Variants in SLC24A3 observed in about 807,000 individuals in gnomAD.
The protein encoded by SLC24A3 is sodium/potassium/calcium exchanger 3.
In SLC24A3, 28 loss-of-function variants were observed where a neutral mutation model predicts 75.8. That is an observed-to-expected ratio of 0.37 (90% CI 0.27 to 0.51). The LOEUF is 0.51. Among genes scored for constraint, SLC24A3 ranks in the 20% least tolerant of loss-of-function variants. The pLI is 0.94. For missense variants in SLC24A3, 663 were observed against 847.8 expected (o/e 0.78, Z 2.71); for synonymous variants, 372 against 334.1 (o/e 1.11, Z -1.24).
chr20:19,704,385 A>G (rs1260832696), intron 15 of SLC24A3, among the ~76,000 whole-genome samples: 1 of 152,196 alleles, frequency 6.6e-6, no homozygotes, highest in African/African-American at 2.4e-5. Flanking sequence ...TCCAACGCCT[A>G]TGTAAGGGAA....
intron 6 of SLC24A3, among the ~76,000 whole-genome samples, chr20:19,597,187 G>A (rs943355899): frequency 1.0e-4 from 5 of 48,010 alleles, no homozygotes; most frequent in East Asian, 1.1e-3. Flanking sequence ...GTTCCACAAC[G>A]AACGGCCTGG....
intron 3 of SLC24A3, among the ~76,000 whole-genome samples, chr20:19,571,679 A>G (rs1030531407): frequency 2.0e-5 from 3 of 152,194 alleles, no homozygotes; most frequent in Non-Finnish European, 4.4e-5. Context: ...TGGTGCAGGT[A>G]CATTCACATA....
intron 2 of SLC24A3, among the ~76,000 whole-genome samples, chr20:19,388,940 G>A (rs192909251): frequency 5.3e-4 from 80 of 151,988 alleles, no homozygotes; most frequent in African/African-American, 1.4e-3. Flanking sequence ...CAATCTTGCT[G>A]TCTTCCTTTG....
intron 6 of SLC24A3, among the ~76,000 whole-genome samples, chr20:19,631,791 A>AGAGTGTGTGTGT (rs1555803686): frequency 1.4e-5 from 2 of 147,838 alleles, no homozygotes; most frequent in Non-Finnish European, 1.5e-5. Flanking sequence ...TATGAGTGAG[A>AGAGTGTGTGTGT]GTGTGTGTGT....
chr20:19,604,120 G>A (rs2031565236), intron 6 of SLC24A3, among the ~76,000 whole-genome samples: 1 of 152,192 alleles, frequency 6.6e-6, no homozygotes, highest in Admixed American at 6.5e-5. Flanking sequence ...ATGCTCTCAA[G>A]GTGCTTCTGT....
intron 2 of SLC24A3, among the ~76,000 whole-genome samples, chr20:19,343,617 T>TG (rs1985326583): frequency 6.6e-6 from 1 of 151,950 alleles, no homozygotes; most frequent in African/African-American, 2.4e-5. Flanking sequence ...AGGGTCTCTG[T>TG]GGGGCTGTTT....
At chr20:19,318,525 C>T (rs910943860) in intron 2 of SLC24A3, among the ~76,000 whole-genome samples, 10 of 152,202 alleles carry the variant, frequency 6.6e-5, no homozygotes, top group African/African-American at 2.4e-4. Flanking sequence ...AGTTAGCTCT[C>T]CTCATGCTGA....
At position 19,684,224 on chromosome 20, in the gene SLC24A3, C is replaced by T; in HGVS notation, c.950C>T (p.Ser317Leu). ...ASVIMVDELLSAYPHQLSFSE... is the reference protein window; with the variant it reads ...ASVIMVDELLLAYPHQLSFSE... Reference sequence around the variant, plus strand: ...GTGATCATGGTAGACGAGCTGCTGTCAGCCTACCCACACCAGCTTTCCTTC... The same window carrying T: ...GTGATCATGGTAGACGAGCTGCTGTTAGCCTACCCACACCAGCTTTCCTTC... Residue 317 changes from serine (S) to leucine (L), a missense_variant, in exon 11 of 17, where the codon TCA becomes TTA. Coordinates refer to ENST00000328041, the MANE Select transcript of SLC24A3 (RefSeq NM_020689.4). 3 of 1,614,188 alleles carry T rather than the reference C, an allele frequency of 1.9e-6. No homozygotes were observed. The highest frequency in any genetic ancestry group is 2.5e-6 in the Non-Finnish European group (3 of 1,180,034).
At chr20:19,217,514 A>G (rs1186786803) in intron 1 of SLC24A3, among the ~76,000 whole-genome samples, 3 of 152,130 alleles carry the variant, frequency 2.0e-5, no homozygotes, top group Non-Finnish European at 2.9e-5. Flanking sequence ...ATTGCTGCTT[A>G]TTTTAGCTGG....
intron 1 of SLC24A3, among the ~76,000 whole-genome samples, chr20:19,248,514 C>T (rs1286127410): frequency 4.0e-5 from 6 of 151,882 alleles, no homozygotes; most frequent in Admixed American, 3.3e-4. Context: ...GAAATATTGA[C>T]GTGGAGAAAA....
At chr20:19,302,228 C>G (rs1984212930) in intron 2 of SLC24A3, among the ~76,000 whole-genome samples, 2 of 152,158 alleles carry the variant, frequency 1.3e-5, no homozygotes, top group Admixed American at 6.6e-5. Flanking sequence ...TGTGCTAAGC[C>G]CTGTGTGGGC....
At chr20:19,356,455 G>C (rs1341998378) in intron 2 of SLC24A3, among the ~76,000 whole-genome samples, 4 of 152,202 alleles carry the variant, frequency 2.6e-5, no homozygotes. Context: ...GTATTCTCCT[G>C]CAATGTGCTT....
intron 2 of SLC24A3, among the ~76,000 whole-genome samples, chr20:19,458,663 C>A (rs1012883295): frequency 1.3e-5 from 2 of 152,120 alleles, no homozygotes; most frequent in African/African-American, 4.8e-5. Context: ...CAGTTTTATC[C>A]GTATTGTAGC....
chr20:19,539,514 C>A (rs949435310), intron 3 of SLC24A3, among the ~76,000 whole-genome samples: 1 of 152,152 alleles, frequency 6.6e-6, no homozygotes, highest in Non-Finnish European at 1.5e-5. Flanking sequence ...CACTGAGACA[C>A]AGTAAGCACT....
intron 2 of SLC24A3, among the ~76,000 whole-genome samples, chr20:19,346,104 T>G (rs1985396845): frequency 2.9e-5 from 2 of 68,356 alleles, no homozygotes; most frequent in African/African-American, 2.5e-4. Flanking sequence ...TATATATATA[T>G]ATATGGTGTG....
rs535078169 is a variant in SLC24A3 at position 19,698,632 on chromosome 20, C to T, written c.1671C>T (p.Leu557=). 4.6e-5 allele frequency: 74 copies of T among 1,594,712 alleles called. No homozygotes were observed. The highest frequency in any genetic ancestry group is 9.0e-5 in the East Asian group (4 of 44,226). Reference sequence around the variant, plus strand: ...ACGTGTTTGACATCCTGATTGGCCTCGGTCTCCCCTGGGCTCTGCAGACCC... The same window carrying T: ...ACGTGTTTGACATCCTGATTGGCCTTGGTCTCCCCTGGGCTCTGCAGACCC... The part of the protein sequence containing the change: ...GSNVFDILIG[L]GLPWALQTLA... Residue 557 remains leucine (L), a synonymous_variant, in exon 15 of 17, where the codon CTC becomes CTT. Coordinates refer to ENST00000328041, the MANE Select transcript of SLC24A3 (RefSeq NM_020689.4).
chr20:19,422,458 TGAG>T (rs1173203937), intron 2 of SLC24A3, among the ~76,000 whole-genome samples: 1 of 152,144 alleles, frequency 6.6e-6, no homozygotes, highest in Non-Finnish European at 1.5e-5. Context: ...CAGAAAGAAC[TGAG>T]GATGCTTGTG....
intron 3 of SLC24A3, among the ~76,000 whole-genome samples, chr20:19,545,782 T>G (rs1336237987): frequency 6.6e-6 from 1 of 152,216 alleles, no homozygotes; most frequent in African/African-American, 2.4e-5. Context: ...TTGTTTTTGC[T>G]TTTCCTGATG....
intron 1 of SLC24A3, among the ~76,000 whole-genome samples, chr20:19,273,608 G>A (rs1184599382): frequency 2.0e-5 from 3 of 152,160 alleles, no homozygotes; most frequent in African/African-American, 7.2e-5. Flanking sequence ...ACTCCAGGGT[G>A]CCCAGGGATC....
Sources: allele counts gnomAD v4.1 joint callset (sites outside exome capture counted in the v4.1 genomes callset), GRCh38; gene constraint gnomAD v4.1.1; transcripts MANE v1.5; gene names NCBI Gene and HGNC (gene_info 2026-07-23, HGNC 2026-07-21).